ZNF880: variants seen among roughly 807,000 people sequenced by gnomAD.
The protein encoded by ZNF880 is zinc finger protein LOC400713.
Under a neutral mutation model 11.8 loss-of-function variants are expected in ZNF880, and 12 were observed. The ratio of observed to expected loss-of-function variants is 1.02; its 90% CI spans 0.65 to 1.65. The LOEUF (loss-of-function observed/expected upper bound fraction) is 1.65, where lower values mean the gene tolerates loss of function less well. Ranked by LOEUF, ZNF880 falls within the 40% of genes most tolerant of loss-of-function variation. The pLI is 0.00. For synonymous variants in ZNF880, 210 were observed against 232.4 expected (o/e 0.90, Z 0.88); for missense variants, 601 against 673.9 (o/e 0.89, Z 1.20).
Position 52,385,394 on chromosome 19 carries a change from A to G in ZNF880, c.*80A>G, listed in dbSNP as rs991946370. 3.5e-6 allele frequency: 5 copies of G among 1,447,456 alleles called. No homozygotes were observed. The African/African-American group carries it at 5.7e-5, about 16-fold the overall frequency. 89.7% of individuals were successfully genotyped at this position (1,447,456 alleles called of 1,614,324 possible). On this transcript the variant is annotated 3_prime_UTR_variant, in exon 4 of 4. Transcript: ENST00000422689. ...ATTCATTCATGAGAGAGTTCTTACA[A>G]ACTGAGTATGGCAAACTCTTCATGC... is the stretch of plus-strand genomic sequence containing the variant.
intron 3 of ZNF880, among the ~76,000 whole-genome samples, chr19:52,376,509 C>CTTTT (rs869288387): frequency 0.46 from 26,811 of 58,088 alleles, 6,992 homozygotes; most frequent in Middle Eastern, 0.7. Context: ...CCCCCCCCCC[C>CTTTT]TTTTTTTTTT....
At chr19:52,393,067 G>GTTTTTT in the ZNF880 span, among the ~76,000 whole-genome samples, 4 of 141,746 alleles carry the variant, frequency 2.8e-5, no homozygotes, top group Non-Finnish European at 3.1e-5. Flanking sequence ...AATCCTGTTA[G>GTTTTTT]TTTTTTTTTT....
In ZNF880 at chr19:52,380,285, T is replaced by C. The variant is rs1986671801; in HGVS notation, c.269-3564T>C. 2.1e-5 allele frequency among the ~76,000 whole-genome samples: 3 copies of C among 143,770 alleles called. No individual in the cohort carries two copies. In the South Asian group the frequency reaches 7.3e-4, roughly 35 times the overall value. The allele number at this position is 143,770 out of a possible 152,430, so 94.3% of individuals were successfully genotyped here. A position where few individuals can be genotyped will look rare whatever the true frequency, so the allele number is the denominator to read the frequency against. ...CATTTTTGCCACTTGTGATGTACTG[T>C]TTTTTTTGTCTTTTGGGTTTTTTTT... On this transcript the variant is annotated intron_variant, in intron 3 of 3. Transcript: ENST00000422689.
chr19:52,379,541 G>T (rs180766529), intron 3 of ZNF880: 3 of 414,446 alleles, frequency 7.2e-6, no homozygotes, highest in Non-Finnish European at 1.4e-5. Flanking sequence ...GATTACAGGC[G>T]TGAGCCTCCG....
At chr19:52,374,480 A>G in intron 3 of ZNF880, 53 bp downstream of exon 3, 2 of 1,555,574 alleles carry the variant, frequency 1.3e-6, no homozygotes, top group South Asian at 2.4e-5. Flanking sequence ...TTTTTTTTAA[A>G]CAGGGTCTTG....
intron 3 of ZNF880, 79 bp downstream of exon 3, chr19:52,374,506 T>C (rs1986497467): frequency 6.6e-7 from 1 of 1,512,670 alleles, no homozygotes; most frequent in Non-Finnish European, 9.0e-7. Context: ...TCACCCAGGC[T>C]GTCGTAGAGT....
intron 3 of ZNF880, among the ~76,000 whole-genome samples, chr19:52,379,000 A>C (rs972114716): frequency 1.3e-5 from 2 of 152,164 alleles, no homozygotes; most frequent in African/African-American, 4.8e-5. Flanking sequence ...ACCTGAGCCC[A>C]GGAGGTCAAG....
At chr19:52,394,338 T>C in the ZNF880 span, among the ~76,000 whole-genome samples, 7 of 152,050 alleles carry the variant, frequency 4.6e-5, no homozygotes, top group Admixed American at 3.9e-4. Flanking sequence ...CAGGCTTAAG[T>C]CATCCTCCCA....
upstream of ZNF880, among the ~76,000 whole-genome samples, chr19:52,368,213 AAAAATAATAAT>A (rs1048122566): frequency 3.3e-5 from 2 of 61,508 alleles, no homozygotes; most frequent in Non-Finnish European, 6.0e-5. Flanking sequence ...TCAAAAAAAA[AAAAATAATAAT>A]AATACTGTAA....
intron 1 of ZNF880, among the ~76,000 whole-genome samples, chr19:52,371,058 T>C (rs180970174): frequency 9.2e-5 from 14 of 152,356 alleles, no homozygotes; most frequent in Admixed American, 7.8e-4. Flanking sequence ...ATGTGATGTG[T>C]GTGGATGAGT....
downstream of ZNF880, among the ~76,000 whole-genome samples, chr19:52,387,938 G>A (rs1986931988): frequency 7.6e-6 from 1 of 131,962 alleles, no homozygotes; most frequent in Admixed American, 7.4e-5. Flanking sequence ...GGAGTGCAGT[G>A]GCACGATCTC....
the ZNF880 span, among the ~76,000 whole-genome samples, chr19:52,393,857 G>C: frequency 1.2e-5 from 1 of 82,726 alleles, no homozygotes; most frequent in Non-Finnish European, 2.3e-5. Context: ...TTTTTTTTGA[G>C]ACGGAGTCTT....
chr19:52,370,073 C>A, intron 1 of ZNF880, 96 bp downstream of exon 1: 1 of 1,448,910 alleles, frequency 6.9e-7, no homozygotes, highest in Non-Finnish European at 9.5e-7. Context: ...TTGAAATCCC[C>A]GCATCGCTCC....
Position 52,385,154 on chromosome 19 carries a change from G to A in ZNF880, c.1574G>A (p.Cys525Tyr), listed in dbSNP as rs374483230. The A allele has an allele frequency of 9.0e-6, 14 of 1,555,954 alleles. No individual in the cohort carries two copies. The highest frequency in any genetic ancestry group is 1.2e-5 in the Non-Finnish European group (14 of 1,149,624). The part of the protein sequence containing the change: ...TGEKSYKCNE[C>Y]GKVFSHKLYL... ...GAGAAGTCTTACAAATGCAATGAAT[G>A]TGGCAAGGTCTTCAGCCACAAGTTA... Residue 525 changes from cysteine to tyrosine, a missense_variant, in exon 4 of 4, where the codon TGT (cysteine) becomes TAT (tyrosine). Coordinates refer to ENST00000422689, the MANE Select transcript of ZNF880 (RefSeq NM_001145434.2).
At position 52,383,901 on chromosome 19, in the gene ZNF880, A is replaced by G. The variant is rs1252532676; in HGVS notation, c.321A>G (p.Gln107=). 1 of 1,558,296 alleles carries G rather than the reference A, an allele frequency of 6.4e-7. No homozygotes were observed. Among genetic ancestry groups the G allele is most frequent in the Non-Finnish European group, 8.7e-7 (1 of 1,152,312 alleles). Residue 107 remains glutamine, a synonymous_variant, in exon 4 of 4, where the codon CAA becomes CAG. Coordinates refer to ENST00000422689, the MANE Select transcript of ZNF880 (RefSeq NM_001145434.2). ...CCGGAAACAAGTCTCTTAAAAATCA[A>G]CTTGGATTAACCTTTCAGTTACATC... ...SNAGNKSLKN[Q]LGLTFQLHLS...
chr19:52,367,605 G>A (rs113465297), upstream of ZNF880: 3 of 48,636 alleles, frequency 6.2e-5, no homozygotes, highest in African/African-American at 3.4e-4. Context: ...ACGCTTCTGG[G>A]TGCAATATAC....
intron 1 of ZNF880, among the ~76,000 whole-genome samples, chr19:52,371,208 T>C (rs1263798296): frequency 6.6e-6 from 1 of 152,188 alleles, no homozygotes; most frequent in Admixed American, 6.5e-5. Flanking sequence ...ATAGTGAGTC[T>C]ATGGCTGTAA....
At position 52,384,212 on chromosome 19, in the gene ZNF880, C is replaced by G; in HGVS notation, c.632C>G (p.Pro211Arg). ...CAAGTAATCCACACTGCAGATAACC[C>G]TTACAAATGTAATGAATGTGACAAG... ...NNQVIHTADN[P>R]YKCNECDKVF... The change falls in exon 4 of 4, where the codon CCT (proline) becomes CGT (arginine). Residue 211 changes from proline (P) to arginine (R), a missense_variant. Physicochemically the swap from Pro to Arg is moderately radical, Grantham distance 103 (BLOSUM62 -2). Around this residue, in one of 3 missense-constraint regions of ZNF880, gnomAD observed 420 missense variants for 442.6 expected, o/e 0.95. Coordinates refer to ENST00000422689, the MANE Select transcript of ZNF880 (RefSeq NM_001145434.2). 6.2e-7 allele frequency: 1 copy of G among 1,612,030 alleles called. No individual in the cohort carries two copies. Among genetic ancestry groups the G allele is most frequent in the South Asian group, 1.1e-5 (1 of 90,888 alleles).
At chr19:52,373,287 G>A (rs1986447199) in intron 2 of ZNF880, 50 bp downstream of exon 2, 2 of 1,565,446 alleles carry the variant, frequency 1.3e-6, no homozygotes, top group Non-Finnish European at 1.7e-6. Context: ...GTGTATTTTT[G>A]CATTTTGTCG....
Sources: gnomAD v4.1 joint callset for allele counts (sites outside exome capture counted in the v4.1 genomes callset) on GRCh38, gnomAD v4.1.1 for gene constraint, gnomAD v4.1.1 regional missense constraint, MANE v1.5 for transcripts, NCBI Gene and HGNC (gene_info 2026-07-23, HGNC 2026-07-21) for gene names.